The following EHMT1 variants were observed in gnomAD, a reference collection of about 807,000 sequenced individuals.
The protein encoded by EHMT1 is euchromatic histone lysine methyltransferase 1.
A neutral mutation model predicts 147.2 loss-of-function variants in EHMT1; 15 were observed. The observed-to-expected ratio is 0.10, with a 90% CI of 0.07 to 0.16. The LOEUF (loss-of-function observed/expected upper bound fraction) is 0.16, where lower values mean the gene tolerates loss of function less well. Among genes scored for constraint, EHMT1 ranks in the 10% least tolerant of loss-of-function variants. The pLI is 1.00. For synonymous variants in EHMT1, 795 were observed against 709.6 expected (o/e 1.12, Z -1.91); for missense variants, 1,587 against 1,772.4 (o/e 0.90, Z 1.88).
intron 17 of EHMT1, among the ~76,000 whole-genome samples, chr9:137,799,190 G>A (rs1390022517): frequency 1.3e-4 from 19 of 151,712 alleles, no homozygotes; most frequent in Non-Finnish European, 2.9e-5. Flanking sequence ...CACACACAGG[G>A]TTAGCTCAAG....
At chr9:137,750,765 G>A (rs1381881470) in intron 6 of EHMT1, among the ~76,000 whole-genome samples, 1 of 152,230 alleles carries the variant, frequency 6.6e-6, no homozygotes, top group Non-Finnish European at 1.5e-5. Flanking sequence ...CTGCCGGAGG[G>A]GGCGCGGCTG....
chr9:137,717,605 C>CAAAA (rs1163785484), intron 3 of EHMT1, among the ~76,000 whole-genome samples: 67 of 69,528 alleles, frequency 9.6e-4, no homozygotes, highest in Admixed American at 2.0e-3. Flanking sequence ...GACCCTGTCT[C>CAAAA]AAAAAAAAAA....
chr9:137,803,321 C>G (rs1953657757), intron 18 of EHMT1: 16 of 989,248 alleles, frequency 1.6e-5, no homozygotes, highest in Non-Finnish European at 1.9e-5. Context: ...AAGAGTGAGC[C>G]CAGTCCTCCC....
At chr9:137,815,771 C>T (rs1050370574) in intron 22 of EHMT1, 176 bp from the exon 23 acceptor site, 7 of 666,968 alleles carry the variant, frequency 1.0e-5, no homozygotes, top group Non-Finnish European at 1.9e-5. Context: ...GTGGAGGCTT[C>T]TCATCCAAAC....
chr9:137,778,664 C>T (rs1016210435), intron 13 of EHMT1, among the ~76,000 whole-genome samples: 5 of 152,126 alleles, frequency 3.3e-5, no homozygotes, highest in Non-Finnish European at 7.4e-5. Context: ...CAGACTGTTC[C>T]TGACCCACAG....
intron 14 of EHMT1, among the ~76,000 whole-genome samples, chr9:137,781,990 A>G (rs990528205): frequency 6.6e-6 from 1 of 152,158 alleles, no homozygotes; most frequent in African/African-American, 2.4e-5. Context: ...TGGGGCGGCC[A>G]TGGCCAGGCC....
At chr9:137,817,571 A>T (rs1357100169) in intron 24 of EHMT1, 46 bp downstream of exon 24, 1 of 1,609,802 alleles carries the variant, frequency 6.2e-7, no homozygotes, top group African/African-American at 1.3e-5. Flanking sequence ...CATTTCTGGG[A>T]CGGAGGCCCA....
chr9:137,763,218 G>A (rs1165540422), intron 10 of EHMT1: 7 of 393,200 alleles, frequency 1.8e-5, no homozygotes, highest in Non-Finnish European at 3.3e-5. Context: ...CGCAAGGGCC[G>A]GGCCTCGGCC....
intron 9 of EHMT1, among the ~76,000 whole-genome samples, chr9:137,761,985 C>T (rs950575514): frequency 5.9e-5 from 9 of 152,222 alleles, no homozygotes; most frequent in African/African-American, 1.4e-4. Context: ...CCGTCTCTCC[C>T]ATCCGGGGCT....
chr9:137,727,442 T>C (rs1946735908), intron 3 of EHMT1, among the ~76,000 whole-genome samples: 1 of 152,262 alleles, frequency 6.6e-6, no homozygotes, highest in South Asian at 2.1e-4. Flanking sequence ...GTTAGGACTG[T>C]GGTCCATCTT....
intron 1 of EHMT1, among the ~76,000 whole-genome samples, chr9:137,664,495 G>A (rs1263995184): frequency 6.6e-6 from 1 of 151,974 alleles, no homozygotes; most frequent in Non-Finnish European, 1.5e-5. Flanking sequence ...CTGGAGCTCA[G>A]GCGATCTGCC....
At chr9:137,830,519 C>T (rs6559232) in intron 25 of EHMT1, among the ~76,000 whole-genome samples, 25,171 of 152,168 alleles carry the variant, frequency 0.17, 6,804 homozygotes, top group African/African-American at 0.57. Context: ...TTTATATTTG[C>T]ATCTCTTACA....
rs1189859363 is a variant in EHMT1 at position 137,766,514 on chromosome 9, C to CT, written c.1647+3695dup. Among the ~76,000 whole-genome samples the CT allele has an allele frequency of 4.6e-5, 7 of 152,254 alleles. No homozygotes were observed. In the East Asian group the frequency reaches 1.4e-3, roughly 29 times the overall value. The stretch of plus-strand genomic sequence containing the variant: ...CCTGTAGTCCCAGCTACTTGGGAGG[C>CT]TGAGGCAGGAGAATTGCTTGAGCCT... On this transcript the variant is annotated intron_variant, in intron 10 of 26. Transcript: ENST00000460843.
At chr9:137,760,872 G>T (rs1369094636) in intron 9 of EHMT1, among the ~76,000 whole-genome samples, 2 of 152,236 alleles carry the variant, frequency 1.3e-5, no homozygotes, top group Admixed American at 6.5e-5. Context: ...GCCAGGCGTG[G>T]TGGCGGGCGC....
At chr9:137,684,184 C>G (rs1468603064) in intron 1 of EHMT1, among the ~76,000 whole-genome samples, 2 of 151,906 alleles carry the variant, frequency 1.3e-5, no homozygotes, top group Non-Finnish European at 2.9e-5. Flanking sequence ...AGGAGCATGC[C>G]ACCACGCCTG....
At chr9:137,799,038 G>A (rs572209203) in intron 17 of EHMT1, 124 bp downstream of exon 17, 6 of 811,906 alleles carry the variant, frequency 7.4e-6, no homozygotes, top group East Asian at 5.3e-5. Flanking sequence ...GAGCCAGCTC[G>A]GGCCCTCCAG....
chr9:137,751,848 G>A (rs1647878271), intron 6 of EHMT1, among the ~76,000 whole-genome samples: 1 of 152,242 alleles, frequency 6.6e-6, no homozygotes, highest in Non-Finnish European at 1.5e-5. Context: ...TAGCTGTGGT[G>A]GCTCCGAGGA....
At chr9:137,646,346 C>T (rs987265533) in intron 1 of EHMT1, 1 of 985,416 alleles carries the variant, frequency 1.0e-6, no homozygotes. Context: ...TGGTACCTGG[C>T]CTGAGGAACA....
intron 26 of EHMT1, 98 bp downstream of exon 26, chr9:137,834,622 C>T (rs1956473538): frequency 6.3e-7 from 1 of 1,595,662 alleles, no homozygotes. Flanking sequence ...CGGGTTTATG[C>T]TAGTGGTTTT....
Sources: allele counts gnomAD v4.1 joint callset (sites outside exome capture counted in the v4.1 genomes callset), GRCh38; gene constraint gnomAD v4.1.1; transcripts MANE v1.5; gene names NCBI Gene and HGNC (gene_info 2026-07-23, HGNC 2026-07-21).